Variants in KLF12 observed in about 807,000 individuals in gnomAD.
The protein encoded by KLF12 is Krueppel-like factor 12.
Under a neutral mutation model 37.8 loss-of-function variants are expected in KLF12, and 9 were observed. That is an observed-to-expected ratio of 0.24 (90% CI 0.14 to 0.42). KLF12 has a LOEUF of 0.42. Ranked by LOEUF, KLF12 falls within the 10% of genes least tolerant of loss-of-function variation. KLF12 has a pLI of 1.00. For missense variants in KLF12, 411 were observed against 516.0 expected (o/e 0.80, Z 1.97); for synonymous variants, 208 against 202.1 (o/e 1.03, Z -0.25).
At chr13:73,794,321 C>T (rs59362917) in intron 5 of KLF12, among the ~76,000 whole-genome samples, 4,294 of 152,166 alleles carry the variant, frequency 0.028, 196 homozygotes, top group African/African-American at 0.095. Flanking sequence ...ATTAGCCAGG[C>T]GTGATGGTAT....
the KLF12 span, among the ~76,000 whole-genome samples, chr13:74,227,894 A>G: frequency 6.6e-6 from 1 of 152,200 alleles, no homozygotes. Context: ...ATAATTTTTT[A>G]AGAAATGTTT....
At chr13:73,858,996 C>T (rs752821629) in intron 3 of KLF12, among the ~76,000 whole-genome samples, 16 of 152,200 alleles carry the variant, frequency 1.1e-4, no homozygotes, top group African/African-American at 1.2e-4. Context: ...TTTACTACAA[C>T]ATTATCTGGC....
chr13:74,054,781 G>A (rs555018409), intron 1 of KLF12, among the ~76,000 whole-genome samples: 16 of 152,152 alleles, frequency 1.1e-4, no homozygotes, highest in Admixed American at 6.5e-4. Flanking sequence ...TGATAGAATT[G>A]CTTGTACCTC....
In KLF12 at chr13:73,822,061, G is replaced by A. The variant is rs74095775; in HGVS notation, c.671-8774C>T. On this transcript the variant is annotated intron_variant, in intron 4 of 7. Transcript: ENST00000377669. ...TATACTCCCTTGTACACAGTAAAAT[G>A]TAAAGTTTAATGCAGATCTCTACTG... 7.3e-3 allele frequency among the ~76,000 whole-genome samples: 1,111 copies of A among 152,304 alleles called. 15 individuals carry two copies. Among genetic ancestry groups the A allele is most frequent in the African/African-American group, 0.025 (1,034 of 41,566 alleles).
At chr13:74,163,038 G>A in the KLF12 span, among the ~76,000 whole-genome samples, 1 of 152,062 alleles carries the variant, frequency 6.6e-6, no homozygotes, top group Admixed American at 6.6e-5. Flanking sequence ...ATAAAAACAG[G>A]GAATCTGAAG....
intron 6 of KLF12, among the ~76,000 whole-genome samples, chr13:73,744,061 T>C (rs6562782): frequency 0.36 from 54,566 of 152,050 alleles, 10,989 homozygotes; most frequent in African/African-American, 0.55. Context: ...TCTACAAATA[T>C]TTTTCCATAC....
chr13:74,186,022 G>A, the KLF12 span, among the ~76,000 whole-genome samples: 2 of 152,062 alleles, frequency 1.3e-5, no homozygotes, highest in African/African-American at 4.8e-5. Context: ...TATGTTATTA[G>A]CTATGACTAA....
In KLF12 at chr13:73,695,430, G is replaced by T; in HGVS notation, c.*60C>A. On this transcript the variant is annotated 3_prime_UTR_variant, in exon 8 of 8. Transcript: ENST00000377669. Reference sequence around the variant, plus strand: ...AACACTGTGAAGGGGATTCAGCCCTGCTGAATTGGGTGCCGCTAAGAGATC... The same window carrying T: ...AACACTGTGAAGGGGATTCAGCCCTTCTGAATTGGGTGCCGCTAAGAGATC... The T allele has an allele frequency of 1.3e-6, 2 of 1,539,988 alleles. No individual in the cohort carries two copies. Among genetic ancestry groups the T allele is most frequent in the Non-Finnish European group, 1.8e-6 (2 of 1,119,260 alleles).
chr13:74,092,296 C>CAAAAAGAA (rs1875714722), intron 1 of KLF12, among the ~76,000 whole-genome samples: 1 of 136,794 alleles, frequency 7.3e-6, no homozygotes, highest in South Asian at 2.3e-4. Context: ...GACTCCGTCT[C>CAAAAAGAA]AAAAAAAAAA....
chr13:73,896,151 G>A (rs1301940260), intron 3 of KLF12, among the ~76,000 whole-genome samples: 1 of 152,070 alleles, frequency 6.6e-6, no homozygotes, highest in African/African-American at 2.4e-5. Context: ...AACAGAAGAT[G>A]GGGTTTTGAG....
At chr13:74,111,839 T>A (rs1300481632) in intron 1 of KLF12, among the ~76,000 whole-genome samples, 1 of 152,212 alleles carries the variant, frequency 6.6e-6, no homozygotes, top group East Asian at 1.9e-4. Context: ...GTGAAAGATA[T>A]GTTTTTAAAA....
chr13:74,085,404 G>T (rs1875211506), intron 1 of KLF12, among the ~76,000 whole-genome samples: 1 of 152,124 alleles, frequency 6.6e-6, no homozygotes, highest in Non-Finnish European at 1.5e-5. Context: ...ATTACAACAA[G>T]CACCACCATA....
At chr13:73,936,860 T>A (rs1889956542) in intron 3 of KLF12, among the ~76,000 whole-genome samples, 1 of 152,192 alleles carries the variant, frequency 6.6e-6, no homozygotes, top group Admixed American at 6.5e-5. Context: ...CAAGAGTTAA[T>A]CCTTTGTGGT....
At chr13:74,173,002 A>G in the KLF12 span, among the ~76,000 whole-genome samples, 1 of 152,206 alleles carries the variant, frequency 6.6e-6, no homozygotes, top group East Asian at 1.9e-4. Context: ...GACAATACCC[A>G]TTCTGAGATT....
chr13:74,054,302 T>C (rs1873112710), intron 1 of KLF12, among the ~76,000 whole-genome samples: 1 of 152,174 alleles, frequency 6.6e-6, no homozygotes, highest in African/African-American at 2.4e-5. Flanking sequence ...TCAGATGCTT[T>C]GGCCAAAAAT....
intron 3 of KLF12, among the ~76,000 whole-genome samples, chr13:73,898,828 C>A (rs961644829): frequency 6.6e-6 from 1 of 152,174 alleles, no homozygotes; most frequent in Non-Finnish European, 1.5e-5. Context: ...AAAGAAATTA[C>A]AGACCAACAG....
Position 73,995,040 on chromosome 13 carries a change from G to A in KLF12, c.-18C>T, listed in dbSNP as rs1593814704. On this transcript the variant is annotated 5_prime_UTR_variant, in exon 2 of 8. Coordinates refer to ENST00000377669, the MANE Select transcript of KLF12 (RefSeq NM_007249.5). ...ATATTCATTCATCCATTTGTTCTTAGAGTCACATTGATCCTGCAAGAAAAA... is the reference window on the plus strand; with the variant it reads ...ATATTCATTCATCCATTTGTTCTTAAAGTCACATTGATCCTGCAAGAAAAA... 1.2e-6 allele frequency: 2 copies of A among 1,601,970 alleles called. No homozygotes were observed. The highest frequency in any genetic ancestry group is 1.1e-5 in the South Asian group (1 of 89,228).
At chr13:73,715,315 G>A in intron 7 of KLF12, 53 bp downstream of exon 7, 14 of 1,549,728 alleles carry the variant, frequency 9.0e-6, no homozygotes, top group Non-Finnish European at 1.2e-5. Flanking sequence ...TAAGTGGCCG[G>A]CGCTTTATGG....
chr13:73,825,596 C>T (rs1883791830), intron 4 of KLF12, among the ~76,000 whole-genome samples: 1 of 152,160 alleles, frequency 6.6e-6, no homozygotes, highest in Admixed American at 6.5e-5. Context: ...GAGGTCTTGG[C>T]CTTTGCCAGG....
Sources: allele counts gnomAD v4.1 joint callset (sites outside exome capture counted in the v4.1 genomes callset), GRCh38; gene constraint gnomAD v4.1.1; transcripts MANE v1.5; gene names NCBI Gene and HGNC (gene_info 2026-07-23, HGNC 2026-07-21).